The following ABCA8 variants were observed in gnomAD, a reference collection of about 807,000 sequenced individuals.
ABCA8 encodes the protein ABC-type organic anion transporter ABCA8.
Under a neutral mutation model 192.3 loss-of-function variants are expected in ABCA8, and 177 were observed. The observed-to-expected ratio is 0.92, with a 90% CI of 0.81 to 1.04. The LOEUF is 1.04. Among genes scored for constraint, ABCA8 ranks in the 50% least tolerant of loss-of-function variants. The pLI, the probability that ABCA8 is intolerant of heterozygous loss-of-function variation, is 0.00. For synonymous variants in ABCA8, 642 were observed against 690.2 expected (o/e 0.93, Z 1.09); for missense variants, 1,915 against 1,904.8 (o/e 1.01, Z -0.10).
chr17:68,876,666 A>C lies in ABCA8; in HGVS notation c.4237T>G (p.Ser1413Ala), dbSNP rs150780497. The change falls in exon 34 of 40, where the codon TCT becomes GCT. Residue 1413 changes from serine (S) to alanine (A), a missense_variant. By Grantham distance (99) the Ser-to-Ala change is moderately conservative. Coordinates refer to ENST00000586539, the MANE Select transcript of ABCA8 (RefSeq NM_001288985.2). ...CCCTCTGACAAGGTCTTCACGGGAGACTTCAGCTGGTCCTGCAGCTTGAGC... is the reference window on the plus strand; with the variant it reads ...CCCTCTGACAAGGTCTTCACGGGAGCCTTCAGCTGGTCCTGCAGCTTGAGC... ...DALKLQDQLK[S>A]PVKTLSEGIK... The C allele has an allele frequency of 4.0e-5, 64 of 1,614,042 alleles. No individual in the cohort carries two copies. In the African/African-American group the frequency reaches 4.5e-4, roughly 11 times the overall value.
intron 2 of ABCA8, among the ~76,000 whole-genome samples, chr17:68,947,752 T>C (rs1463917893): frequency 1.3e-5 from 2 of 152,126 alleles, no homozygotes; most frequent in South Asian, 2.1e-4. Context: ...TTTTACTTCA[T>C]GTTCTGGGAT....
rs779239906 is a variant in ABCA8 at position 68,876,596 on chromosome 17, A to G, written c.4275+32T>C. On this transcript the variant is annotated intron_variant, in intron 34 of 39. Coordinates refer to ENST00000586539, the MANE Select transcript of ABCA8 (RefSeq NM_001288985.2). ...AGCCCATCTGGTTCCCATCTATGGC[A>G]CTTGCAGAGCAACACCAAGCCCTGC... is the stretch of plus-strand genomic sequence containing the variant. The G allele has an allele frequency of 5.0e-6, 8 of 1,614,008 alleles. No individual in the cohort carries two copies. In the East Asian group the frequency reaches 1.8e-4, roughly 36 times the overall value.
Position 68,882,685 on chromosome 17 carries a change from G to A in ABCA8, c.3742C>T (p.Pro1248Ser). The change falls in exon 30 of 40, where the codon CCA (proline) becomes TCA (serine). Residue 1248 changes from proline to serine, a missense_variant. Coordinates refer to ENST00000586539, the MANE Select transcript of ABCA8 (RefSeq NM_001288985.2). ...TCATCCTCTCCTTCTGGTTCTTCTGGATTTTGACACACATCACTACTTCTT... is the reference window on the plus strand; with the variant it reads ...TCATCCTCTCCTTCTGGTTCTTCTGAATTTTGACACACATCACTACTTCTT... Reference protein sequence around the residue: ...SPRSSDVCQNPEEPEGEDEDV... With the variant: ...SPRSSDVCQNSEEPEGEDEDV... 6.2e-7 allele frequency: 1 copy of A among 1,612,264 alleles called. No individual in the cohort carries two copies. The highest frequency in any genetic ancestry group is 1.1e-5 in the South Asian group (1 of 90,932).
At position 68,936,964 on chromosome 17, in the gene ABCA8, G is replaced by C; in HGVS notation, c.453C>G (p.His151Gln). The C allele has an allele frequency of 6.2e-7, 1 of 1,600,896 alleles. No homozygotes were observed. ...CCATAAAATTACCTGTATGGTCCTT[G>C]TGCTCCTTCTTTGCTGGCATTCCAT... is the stretch of plus-strand genomic sequence containing the variant. ...LGHGMPAKKEHKDHTAHCYET... is the reference protein window; with the variant it reads ...LGHGMPAKKEQKDHTAHCYET... Residue 151 changes from histidine (H) to glutamine (Q), a missense_variant, in exon 5 of 40, where the codon CAC becomes CAG. Transcript: ENST00000586539.
intron 2 of ABCA8, among the ~76,000 whole-genome samples, chr17:68,947,292 A>G (rs1478325078): frequency 6.6e-6 from 1 of 152,198 alleles, no homozygotes; most frequent in East Asian, 1.9e-4. Flanking sequence ...GTTTTCTCTC[A>G]TGTTTTCCAG....
chr17:68,928,953 T>C lies in ABCA8; in HGVS notation c.1125+96A>G, dbSNP rs181066494. 3.5e-5 allele frequency: 38 copies of C among 1,098,414 alleles called. No individual in the cohort carries two copies. In the Admixed American group the frequency reaches 1.0e-3, roughly 29 times the overall value. 68.0% of individuals were successfully genotyped at this position (1,098,414 alleles called of 1,614,324 possible). On this transcript the variant is annotated intron_variant, in intron 9 of 39. Transcript: ENST00000586539. ...ACAGCCTTCGCTAGAATTTTAAGCC[T>C]TACAATGCTGAGTTTGTAAATGATT... is the stretch of plus-strand genomic sequence containing the variant.
chr17:68,929,573 A>G lies in ABCA8; in HGVS notation c.927T>C (p.Tyr309=). 11 of 1,613,084 alleles carry G rather than the reference A, an allele frequency of 6.8e-6. No individual in the cohort carries two copies. The highest frequency in any genetic ancestry group is 8.5e-6 in the Non-Finnish European group (10 of 1,179,640). Residue 309 remains tyrosine (Y), a synonymous_variant, in exon 8 of 40, where the codon TAT becomes TAC. Coordinates refer to ENST00000586539, the MANE Select transcript of ABCA8 (RefSeq NM_001288985.2). The stretch of plus-strand genomic sequence containing the variant: ...TTCACTAACTCACCAAAGATAATCC[A>G]TACAGGAGAAAGAGGCTGAAGACTA... ...FMVVFSLFLL[Y]GLSLVALAFL...
chr17:68,944,349 T>C (rs1351810818), intron 2 of ABCA8, among the ~76,000 whole-genome samples: 1 of 86,948 alleles, frequency 1.2e-5, no homozygotes, highest in African/African-American at 4.6e-5. Flanking sequence ...TATATATATA[T>C]ATATATATAT....
intron 32 of ABCA8, chr17:68,880,855 C>A: frequency 2.2e-6 from 1 of 463,418 alleles, no homozygotes; most frequent in Non-Finnish European, 3.9e-6. Context: ...ATGAGCCCAG[C>A]GGGTCTGAGC....
chr17:68,939,030 C>T (rs1306563382), intron 4 of ABCA8, among the ~76,000 whole-genome samples: 1 of 152,122 alleles, frequency 6.6e-6, no homozygotes, highest in Non-Finnish European at 1.5e-5. Context: ...TCCAACAGGA[C>T]ACACCATTTG....
chr17:68,936,820 G>T, intron 5 of ABCA8, 131 bp downstream of exon 5: 1 of 715,582 alleles, frequency 1.4e-6, no homozygotes, highest in Non-Finnish European at 2.1e-6. Flanking sequence ...TTTTTTAAAT[G>T]TTGAGGGACA....
At chr17:68,869,302 G>A (rs1203298437) in intron 38 of ABCA8, among the ~76,000 whole-genome samples, 1 of 152,096 alleles carries the variant, frequency 6.6e-6, no homozygotes, top group African/African-American at 2.4e-5. Context: ...TGACCAGACA[G>A]GAGTCAGTTT....
intron 24 of ABCA8, among the ~76,000 whole-genome samples, chr17:68,887,911 T>TATATATATATATATGTCC (rs2066518900): frequency 5.0e-5 from 1 of 19,974 alleles, no homozygotes; most frequent in African/African-American, 3.2e-4. Flanking sequence ...TATATATCCA[T>TATATATATATATATGTCC]ATATATATAT....
chr17:68,886,131 AGTT>A (rs1173424641), intron 26 of ABCA8, among the ~76,000 whole-genome samples: 1 of 152,172 alleles, frequency 6.6e-6, no homozygotes, highest in Non-Finnish European at 1.5e-5. Flanking sequence ...ACTACTTAAA[AGTT>A]GTTGTACTTC....
At chr17:68,947,691 A>C (rs2068450271) in intron 2 of ABCA8, among the ~76,000 whole-genome samples, 1 of 151,652 alleles carries the variant, frequency 6.6e-6, no homozygotes, top group Non-Finnish European at 1.5e-5. Flanking sequence ...GATAATTTTC[A>C]CTGAAAAGTA....
chr17:68,922,458 A>G (rs2067570891), intron 11 of ABCA8, among the ~76,000 whole-genome samples, 158 bp from the exon 12 acceptor site: 5 of 151,934 alleles, frequency 3.3e-5, no homozygotes, highest in Admixed American at 2.6e-4. Flanking sequence ...CAGCTAGAAT[A>G]CCGCTTGCCA....
At chr17:68,896,523 G>T (rs901982908) in intron 21 of ABCA8, among the ~76,000 whole-genome samples, 1 of 152,044 alleles carries the variant, frequency 6.6e-6, no homozygotes, top group Non-Finnish European at 1.5e-5. Context: ...ATCTCGTATC[G>T]TCCACTCTGT....
chr17:68,944,128 G>A (rs2068309327), intron 2 of ABCA8, among the ~76,000 whole-genome samples: 1 of 151,082 alleles, frequency 6.6e-6, no homozygotes, highest in East Asian at 1.9e-4. Flanking sequence ...CACAGGGAGG[G>A]GAACATCACA....
chr17:68,950,739 C>T (rs946326533), intron 1 of ABCA8, among the ~76,000 whole-genome samples: 4 of 152,018 alleles, frequency 2.6e-5, no homozygotes, highest in Non-Finnish European at 5.9e-5. Context: ...GGCTTCTTGG[C>T]TGAAATAACG....
Sources: gnomAD v4.1 joint callset for allele counts (sites outside exome capture counted in the v4.1 genomes callset) on GRCh38, gnomAD v4.1.1 for gene constraint, MANE v1.5 for transcripts, NCBI Gene and HGNC (gene_info 2026-07-23, HGNC 2026-07-21) for gene names.